The following MACROD2 variants were observed in gnomAD, a reference collection of about 807,000 sequenced individuals.
The protein encoded by MACROD2 is mono-ADP ribosylhydrolase 2, also known as ADP-ribose glycohydrolase MACROD2.
A neutral mutation model predicts 70.4 loss-of-function variants in MACROD2; 36 were observed. The observed-to-expected ratio is 0.51, with a 90% CI of 0.39 to 0.68. The LOEUF is 0.68. Among genes scored for constraint, MACROD2 ranks in the 30% least tolerant of loss-of-function variants. The pLI is 0.00. For synonymous variants in MACROD2, 172 were observed against 178.8 expected, an observed-to-expected ratio of 0.96 and a Z score of 0.30; for missense variants, 496 against 538.4, an observed-to-expected ratio of 0.92 and a Z score of 0.78.
intron 8 of MACROD2, among the ~76,000 whole-genome samples, chr20:15,727,852 A>G (rs75892635): frequency 0.022 from 3,402 of 152,222 alleles, 115 homozygotes; most frequent in African/African-American, 0.076. Context: ...TTCTAGGTAT[A>G]GAGTCATATA....
At chr20:14,116,593 C>G (rs1296372521) in intron 3 of MACROD2, among the ~76,000 whole-genome samples, 1 of 152,048 alleles carries the variant, frequency 6.6e-6, no homozygotes, top group Non-Finnish European at 1.5e-5. Context: ...ATATTATAAA[C>G]ATAATAATGT....
At chr20:14,671,875 A>G (rs1463318335) in intron 4 of MACROD2, among the ~76,000 whole-genome samples, 2 of 152,184 alleles carry the variant, frequency 1.3e-5, no homozygotes, top group Non-Finnish European at 2.9e-5. Context: ...GGAAACACTG[A>G]TGCTATTCAG....
At chr20:15,243,773 A>C (rs1386731698) in intron 6 of MACROD2, among the ~76,000 whole-genome samples, 4 of 151,650 alleles carry the variant, frequency 2.6e-5, no homozygotes. Context: ...AAAAAAAAAG[A>C]AAATTAGCGG....
chr20:14,671,273 A>G (rs185300328), intron 4 of MACROD2, among the ~76,000 whole-genome samples: 88 of 152,286 alleles, frequency 5.8e-4, no homozygotes, highest in Non-Finnish European at 6.0e-4. Flanking sequence ...TTTGTTTACT[A>G]TGAATTTAGC....
intron 5 of MACROD2, among the ~76,000 whole-genome samples, chr20:15,063,121 A>C (rs1460416556): frequency 6.6e-6 from 1 of 152,164 alleles, no homozygotes; most frequent in Non-Finnish European, 1.5e-5. Context: ...TCATTCAGTC[A>C]AAAAAGAGAT....
At chr20:14,356,894 GTC>G (rs1473368615) in intron 3 of MACROD2, among the ~76,000 whole-genome samples, 4 of 152,264 alleles carry the variant, frequency 2.6e-5, no homozygotes, top group South Asian at 2.1e-4. Context: ...TGTGATGGGG[GTC>G]TCTATTTTCT....
chr20:15,944,692 A>G (rs1035524497), intron 12 of MACROD2, among the ~76,000 whole-genome samples: 1 of 152,134 alleles, frequency 6.6e-6, no homozygotes, highest in African/African-American at 2.4e-5. Flanking sequence ...ATGCATGCAA[A>G]TTTGTGTGTT....
intron 5 of MACROD2, among the ~76,000 whole-genome samples, chr20:14,844,129 G>A (rs922669004): frequency 6.6e-5 from 10 of 151,970 alleles, no homozygotes; most frequent in Non-Finnish European, 1.0e-4. Flanking sequence ...TGTTCTAGGA[G>A]CTAAAAATAT....
chr20:15,800,135 T>A (rs2063710831), intron 8 of MACROD2, among the ~76,000 whole-genome samples: 1 of 152,158 alleles, frequency 6.6e-6, no homozygotes, highest in Non-Finnish European at 1.5e-5. Context: ...ATGGAATTCT[T>A]TGTTTCTTTT....
intron 4 of MACROD2, among the ~76,000 whole-genome samples, chr20:14,564,159 T>G (rs769387595): frequency 1.3e-5 from 2 of 151,940 alleles, no homozygotes; most frequent in East Asian, 3.9e-4. Flanking sequence ...AGAATGAAAC[T>G]GGACCCCTAT....
chr20:14,596,298 G>A (rs533341437), intron 4 of MACROD2, among the ~76,000 whole-genome samples: 100 of 151,396 alleles, frequency 6.6e-4, no homozygotes, highest in African/African-American at 2.4e-3. Flanking sequence ...CACCGTGTTA[G>A]CCAGGATGGC....
intron 10 of MACROD2, among the ~76,000 whole-genome samples, chr20:15,913,980 T>G (rs559002596): frequency 2.1e-4 from 32 of 152,358 alleles, no homozygotes; most frequent in Middle Eastern, 6.8e-3. Context: ...ATATACTGTT[T>G]GTTTTCCTGT....
intron 8 of MACROD2, among the ~76,000 whole-genome samples, chr20:15,699,622 T>G (rs953455291): frequency 1.3e-5 from 2 of 152,138 alleles, no homozygotes; most frequent in African/African-American, 4.8e-5. Flanking sequence ...AGCCCCGAGT[T>G]TGTTTCCAGG....
chr20:14,937,213 C>G (rs1207311417), intron 5 of MACROD2, among the ~76,000 whole-genome samples: 1 of 151,448 alleles, frequency 6.6e-6, no homozygotes, highest in East Asian at 1.9e-4. Flanking sequence ...TAGCGTAGGC[C>G]GAGATGGGAA....
chr20:15,951,306 GACACACACAC>G lies in MACROD2; in HGVS notation c.907+13798_907+13807del, dbSNP rs58032991. 1.8e-3 allele frequency among the ~76,000 whole-genome samples: 242 copies of G among 135,614 alleles called. 2 individuals carry two copies. The highest frequency in any genetic ancestry group is 0.013 in the East Asian group (61 of 4,588). 89.0% of individuals were successfully genotyped at this position (135,614 alleles called of 152,430 possible). ...GTTCCTAGGAGGATATATTTATCTA[GACACACACAC>G]ACACACACACACACACACACACACA... On this transcript the variant is annotated intron_variant, in intron 12 of 17. Transcript: ENST00000684519.
At chr20:14,958,426 T>A (rs887782548) in intron 5 of MACROD2, among the ~76,000 whole-genome samples, 1 of 152,192 alleles carries the variant, frequency 6.6e-6, no homozygotes, top group African/African-American at 2.4e-5. Flanking sequence ...CAGAGATAGA[T>A]GAGAAGACAA....
rs2085039882 is a variant in MACROD2 at position 14,512,292 on chromosome 20, C to T, written c.301+18784C>T. 2.0e-5 allele frequency among the ~76,000 whole-genome samples: 3 copies of T among 151,562 alleles called. 1 individual carries two copies. The South Asian group carries it at 6.3e-4, about 32-fold the overall frequency. The stretch of plus-strand genomic sequence containing the variant: ...TCTTAGCCCATGCTGAAGCATTCCC[C>T]ATCTGTCATCTGAAGGGAAAGAGCA... On this transcript the variant is annotated intron_variant, in intron 4 of 17. Coordinates refer to ENST00000684519, the MANE Select transcript of MACROD2 (RefSeq NM_001351661.2).
At chr20:15,644,315 TCC>T (rs1221265854) in intron 8 of MACROD2, among the ~76,000 whole-genome samples, 11 of 152,130 alleles carry the variant, frequency 7.2e-5, no homozygotes, top group Admixed American at 6.5e-5. Context: ...CAGAGAATCA[TCC>T]CTCTCTGCAG....
At chr20:15,803,737 A>C (rs2063745820) in intron 8 of MACROD2, among the ~76,000 whole-genome samples, 1 of 152,210 alleles carries the variant, frequency 6.6e-6, no homozygotes, top group Non-Finnish European at 1.5e-5. Context: ...TGATTACACC[A>C]GTCATAACAA....
Sources: gnomAD v4.1 joint callset for allele counts (sites outside exome capture counted in the v4.1 genomes callset) on GRCh38, gnomAD v4.1.1 for gene constraint, MANE v1.5 for transcripts, NCBI Gene and HGNC (gene_info 2026-07-23, HGNC 2026-07-21) for gene names.